LYPLAL1: variants seen among roughly 807,000 people sequenced by gnomAD.
The protein encoded by LYPLAL1 is lysophospholipase like 1, also known as lysophospholipase-like protein 1.
A neutral mutation model predicts 19.7 loss-of-function variants in LYPLAL1; 23 were observed. The ratio of observed to expected loss-of-function variants is 1.17; its 90% CI spans 0.84 to 1.65. The LOEUF (loss-of-function observed/expected upper bound fraction) is 1.65, where lower values mean the gene tolerates loss of function less well. Among genes scored for constraint, LYPLAL1 ranks in the 40% most tolerant of loss-of-function variants. The probability of loss-of-function intolerance (pLI) is 0.00; values close to 1 mark genes in which losing one functional copy is unlikely to be tolerated. For synonymous variants in LYPLAL1, 119 were observed against 96.3 expected (o/e 1.24, Z -1.38); for missense variants, 355 against 279.4 (o/e 1.27, Z -1.93).
chr1:219,389,302 A>G, the LYPLAL1 span, among the ~76,000 whole-genome samples: 151,017 of 152,238 alleles, frequency 0.99, 74,923 homozygotes, highest in Middle Eastern at 1. Flanking sequence ...ATTCCATTGG[A>G]TTTGCTGAAG....
chr1:219,243,093 C>T, the LYPLAL1 span, among the ~76,000 whole-genome samples: 9 of 152,260 alleles, frequency 5.9e-5, no homozygotes, highest in South Asian at 1.9e-3. Flanking sequence ...TTTTACTCCC[C>T]AAACATGTGT....
chr1:219,392,416 C>T, the LYPLAL1 span, among the ~76,000 whole-genome samples: 2 of 152,150 alleles, frequency 1.3e-5, no homozygotes, highest in African/African-American at 4.8e-5. Flanking sequence ...CAGATTTCTG[C>T]TTGAGTCTAA....
the LYPLAL1 span, among the ~76,000 whole-genome samples, chr1:219,225,797 G>C: frequency 1.3e-5 from 2 of 152,126 alleles, no homozygotes; most frequent in Admixed American, 1.3e-4. Flanking sequence ...CTTCATCACA[G>C]CTTCACCTCC....
the LYPLAL1 span, among the ~76,000 whole-genome samples, chr1:219,364,786 A>C: frequency 1.3e-5 from 2 of 152,142 alleles, no homozygotes; most frequent in Non-Finnish European, 2.9e-5. Flanking sequence ...AAATATAGTG[A>C]GTCTTTAATT....
chr1:219,370,545 C>T, the LYPLAL1 span, among the ~76,000 whole-genome samples: 1 of 152,128 alleles, frequency 6.6e-6, no homozygotes, highest in Non-Finnish European at 1.5e-5. Flanking sequence ...CCTTTTGATC[C>T]ATGAGGAAGC....
At chr1:219,374,637 A>G in the LYPLAL1 span, among the ~76,000 whole-genome samples, 1 of 152,198 alleles carries the variant, frequency 6.6e-6, no homozygotes, top group Non-Finnish European at 1.5e-5. Flanking sequence ...GGATCATGAG[A>G]CTGTTTAAGA....
chr1:219,335,601 T>G, the LYPLAL1 span, among the ~76,000 whole-genome samples: 1 of 151,450 alleles, frequency 6.6e-6, no homozygotes, highest in Admixed American at 6.6e-5. Flanking sequence ...AGAATAAAAT[T>G]TTTTAAAAAA....
At chr1:219,213,775 A>T (rs182156335), downstream of LYPLAL1, among the ~76,000 whole-genome samples, 1 of 152,208 alleles carries the variant, frequency 6.6e-6, no homozygotes. Context: ...CTCAATTATT[A>T]ATTTTAGGAG....
the LYPLAL1 span, among the ~76,000 whole-genome samples, chr1:219,345,903 G>T: frequency 1.3e-5 from 2 of 152,140 alleles, no homozygotes; most frequent in East Asian, 3.8e-4. Flanking sequence ...CACACTCAAC[G>T]AGTGGTTCTC....
At chr1:219,215,978 T>G (rs930981966), downstream of LYPLAL1, among the ~76,000 whole-genome samples, 3 of 152,124 alleles carry the variant, frequency 2.0e-5, no homozygotes, top group Non-Finnish European at 4.4e-5. Context: ...TACATTTTCC[T>G]TTTCTATTGC....
At chr1:219,214,669 A>G (rs1268747956), downstream of LYPLAL1, among the ~76,000 whole-genome samples, 1 of 145,774 alleles carries the variant, frequency 6.9e-6, no homozygotes, top group Non-Finnish European at 1.5e-5. Flanking sequence ...ACTTTATTTA[A>G]ACCAGCAATT....
Position 219,203,997 on chromosome 1 carries a change from T to A in LYPLAL1, c.362-6535T>A, listed in dbSNP as rs115828805. 1.9e-3 allele frequency among the ~76,000 whole-genome samples: 288 copies of A among 152,286 alleles called. 2 individuals carry two copies. The highest frequency in any genetic ancestry group is 5.8e-3 in the Admixed American group (88 of 15,288). ...TAAGCTTTCTGCAATGGATATGCACTGCTTTCTTAATAGAAAAAATAGTAA... is the reference window on the plus strand; with the variant it reads ...TAAGCTTTCTGCAATGGATATGCACAGCTTTCTTAATAGAAAAAATAGTAA... On this transcript the variant is annotated intron_variant, in intron 3 of 4. Transcript: ENST00000366928.
chr1:219,390,004 G>A, the LYPLAL1 span, among the ~76,000 whole-genome samples: 3 of 151,796 alleles, frequency 2.0e-5, no homozygotes, highest in Non-Finnish European at 1.5e-5. Context: ...CTCCCGAATT[G>A]CCACTTTCTC....
the LYPLAL1 span, among the ~76,000 whole-genome samples, chr1:219,242,365 T>A: frequency 2.6e-5 from 4 of 152,074 alleles, no homozygotes; most frequent in African/African-American, 9.7e-5. Context: ...CTCCAAACAG[T>A]CCAAGGAGAC....
chr1:219,183,204 T>C (rs916686748), intron 2 of LYPLAL1, among the ~76,000 whole-genome samples: 1 of 152,064 alleles, frequency 6.6e-6, no homozygotes, highest in Non-Finnish European at 1.5e-5. Flanking sequence ...GCACACTGTT[T>C]TATGTGCTTA....
At chr1:219,232,392 TA>T in the LYPLAL1 span, among the ~76,000 whole-genome samples, 1 of 152,112 alleles carries the variant, frequency 6.6e-6, no homozygotes, top group Admixed American at 6.5e-5. Flanking sequence ...ATACAAAAAT[TA>T]GCTCGGAATG....
the LYPLAL1 span, among the ~76,000 whole-genome samples, chr1:219,352,476 C>A: frequency 1.7e-4 from 26 of 152,184 alleles, no homozygotes; most frequent in African/African-American, 4.6e-4. Context: ...CGAGATCGCG[C>A]CACTGCACTC....
At chr1:219,232,990 C>T in the LYPLAL1 span, among the ~76,000 whole-genome samples, 1 of 151,956 alleles carries the variant, frequency 6.6e-6, no homozygotes, top group Non-Finnish European at 1.5e-5. Context: ...GTTCCTCAAA[C>T]AATTAAAAAT....
chr1:219,173,982 G>A lies in LYPLAL1; in HGVS notation c.91+1G>A. 1.9e-6 allele frequency: 3 copies of A among 1,614,102 alleles called. No individual in the cohort carries two copies. Among genetic ancestry groups the A allele is most frequent in the East Asian group, 2.2e-5 (1 of 44,864 alleles). ...TCTCTGATCTTCCTGCATGGCTCAG[G>A]TGGATTTCAATTTTACGTCCTGGTT... On this transcript the variant is annotated splice_donor_variant, in intron 1 of 4. Transcript: ENST00000366928. LOFTEE classifies it high-confidence loss of function.
Sources: gnomAD v4.1 joint callset for allele counts (sites outside exome capture counted in the v4.1 genomes callset) on GRCh38, gnomAD v4.1.1 for gene constraint, MANE v1.5 for transcripts, NCBI Gene and HGNC (gene_info 2026-07-23, HGNC 2026-07-21) for gene names.